The following MET variants were observed in gnomAD, a reference collection of about 807,000 sequenced individuals.
The protein encoded by MET is hepatocyte growth factor receptor.
MET carries 48 observed loss-of-function variants against 133.1 expected under a neutral mutation model. That is an observed-to-expected ratio of 0.36 (90% CI 0.29 to 0.46). The LOEUF is 0.46. MET is among the 20% of genes least tolerant of loss of function. The pLI is 1.00. For synonymous variants in MET, 628 were observed against 616.5 expected (o/e 1.02, Z -0.28); for missense variants, 1,442 against 1,695.9 (o/e 0.85, Z 2.63).
intron 2 of MET, among the ~76,000 whole-genome samples, chr7:116,731,188 GCCT>G (rs1290020505): frequency 6.6e-6 from 1 of 152,130 alleles, no homozygotes; most frequent in Admixed American, 6.5e-5. Flanking sequence ...GTGCTCTGTG[GCCT>G]CCCAGTGAGT....
chr7:116,700,338 G>A, intron 2 of MET, 54 bp downstream of exon 2: 4 of 1,562,032 alleles, frequency 2.6e-6, no homozygotes, highest in Middle Eastern at 1.7e-4. Context: ...TTAGAAATAA[G>A]TATCAGTCTC....
chr7:116,695,981 T>C (rs1171000027), intron 1 of MET, among the ~76,000 whole-genome samples: 3 of 152,070 alleles, frequency 2.0e-5, no homozygotes, highest in Non-Finnish European at 4.4e-5. Context: ...CAAGCAATTC[T>C]CCTGCCTCAG....
At chr7:116,758,168 G>A (rs1794261478) in intron 8 of MET, among the ~76,000 whole-genome samples, 1 of 152,174 alleles carries the variant, frequency 6.6e-6, no homozygotes, top group Admixed American at 6.5e-5. Context: ...CTGGAAGACA[G>A]TTATGTTTCT....
intron 19 of MET, among the ~76,000 whole-genome samples, chr7:116,786,368 G>T (rs1373087651): frequency 6.6e-6 from 1 of 152,176 alleles, no homozygotes; most frequent in African/African-American, 2.4e-5. Flanking sequence ...CATAGCAGGG[G>T]TCAAGGCTGG....
chr7:116,673,403 T>C (rs765057097), intron 1 of MET, among the ~76,000 whole-genome samples: 34 of 152,224 alleles, frequency 2.2e-4, no homozygotes, highest in Non-Finnish European at 4.4e-4. Context: ...GAATGAAATA[T>C]TGTCAACTCT....
Position 116,755,011 on chromosome 7 carries a change from A to AGAAAGAAAGAAC in MET, c.1702-333_1702-332insCGAAAGAAAGAA, listed in dbSNP as rs1562919896. On this transcript the variant is annotated intron_variant, in intron 5 of 20. Coordinates refer to ENST00000397752, the MANE Select transcript of MET (RefSeq NM_000245.4). Reference sequence around the variant, plus strand: ...AAGAAAGAAAGAAAGAAAGAAAGAAAGAAAGAAAGAAAGAAAGAAAGAAAG... The same window carrying AGAAAGAAAGAAC: ...AAGAAAGAAAGAAAGAAAGAAAGAAAGAAAGAAAGAACGAAAGAAAGAAAGAAAGAAAGAAAG... Among the ~76,000 whole-genome samples the AGAAAGAAAGAAC allele has an allele frequency of 1.3e-5, 2 of 150,768 alleles. 1 individual carries two copies. Among genetic ancestry groups the AGAAAGAAAGAAC allele is most frequent in the Non-Finnish European group, 3.0e-5 (2 of 67,710 alleles).
rs75218076 is a variant in MET at position 116,780,597 on chromosome 7, C to T, written c.3523-1391C>T. 9.3e-3 allele frequency among the ~76,000 whole-genome samples: 1,409 copies of T among 152,238 alleles called. 11 individuals carry two copies. Among genetic ancestry groups the T allele is most frequent in the Admixed American group, 0.014 (209 of 15,286 alleles). On this transcript the variant is annotated intron_variant, in intron 17 of 20. Transcript: ENST00000397752. ...GATAGAGATTTCCTGTTATCCAGAA[C>T]GGAATAGTGCCATGGCCTTTTTTAA...
intron 5 of MET, among the ~76,000 whole-genome samples, chr7:116,751,978 G>C (rs984568706): frequency 6.6e-6 from 1 of 151,988 alleles, no homozygotes; most frequent in Non-Finnish European, 1.5e-5. Context: ...GGAGAATGGC[G>C]TGAACCTGGG....
chr7:116,773,084 A>G (rs1332254769), intron 14 of MET, among the ~76,000 whole-genome samples: 1 of 152,184 alleles, frequency 6.6e-6, no homozygotes, highest in Non-Finnish European at 1.5e-5. Context: ...AAAAAAACTT[A>G]CCTAATCTTC....
chr7:116,780,655 C>T (rs1217292407), intron 17 of MET, among the ~76,000 whole-genome samples: 3 of 152,214 alleles, frequency 2.0e-5, no homozygotes, highest in Non-Finnish European at 4.4e-5. Context: ...CAACCACAAA[C>T]CCAGATGTGT....
At chr7:116,743,762 C>T (rs569773563) in intron 5 of MET, among the ~76,000 whole-genome samples, 4 of 152,266 alleles carry the variant, frequency 2.6e-5, no homozygotes, top group South Asian at 4.1e-4. Context: ...CAGCAGGGGT[C>T]GACAGACACC....
At chr7:116,752,660 A>C (rs1213379562) in intron 5 of MET, among the ~76,000 whole-genome samples, 3 of 152,272 alleles carry the variant, frequency 2.0e-5, no homozygotes, top group Non-Finnish European at 4.4e-5. Context: ...AGGGTCTAGC[A>C]GAGGGCTTAT....
chr7:116,782,470 GC>G (rs1795186534), intron 18 of MET, among the ~76,000 whole-genome samples: 1 of 152,170 alleles, frequency 6.6e-6, no homozygotes, highest in Non-Finnish European at 1.5e-5. Context: ...CCAACATATT[GC>G]AACTTCCCAA....
At chr7:116,708,228 T>G (rs983740463) in intron 2 of MET, among the ~76,000 whole-genome samples, 3 of 152,150 alleles carry the variant, frequency 2.0e-5, no homozygotes, top group Non-Finnish European at 4.4e-5. Flanking sequence ...AATATCTAAA[T>G]TTGGTAGTTG....
At chr7:116,779,923 GATA>G (rs939059793) in intron 17 of MET, among the ~76,000 whole-genome samples, 1 of 152,036 alleles carries the variant, frequency 6.6e-6, no homozygotes, top group Non-Finnish European at 1.5e-5. Context: ...CACTGTAGTA[GATA>G]ATAAACAAAT....
rs750337451 is a variant in MET, at chr7:116,795,698, C to A, written c.3842C>A (p.Ala1281Asp). ...VLLWELMTRG[A>D]PPYPDVNTFD... The stretch of plus-strand genomic sequence containing the variant: ...CTCTGGGAGCTGATGACAAGAGGAG[C>A]CCCACCTTATCCTGACGTAAACACC... The change falls in exon 20 of 21, where the codon GCC becomes GAC. Residue 1281 changes from alanine to aspartate, a missense_variant. Ala to Asp is a moderately radical substitution (Grantham distance 126, BLOSUM62 -2). Transcript: ENST00000397752. 1 of 1,614,052 alleles carries A rather than the reference C, an allele frequency of 6.2e-7. No homozygotes were observed. The highest frequency in any genetic ancestry group is 8.5e-7 in the Non-Finnish European group (1 of 1,180,012).
In MET at chr7:116,778,768, T is replaced by C. The variant is rs1323109627; in HGVS notation, c.3341-8T>C. On this transcript the variant is annotated splice_region_variant and splice_polypyrimidine_tract_variant and intron_variant, in intron 16 of 20. Coordinates refer to ENST00000397752, the MANE Select transcript of MET (RefSeq NM_000245.4). ...TGAAGTTAATGTCTCCACCACTGGA[T>C]TTCTCAGGAATCACTGACATAGGAG... 3.7e-6 allele frequency: 6 copies of C among 1,613,832 alleles called. No homozygotes were observed. Among genetic ancestry groups the C allele is most frequent in the Non-Finnish European group, 5.1e-6 (6 of 1,179,832 alleles).
intron 5 of MET, among the ~76,000 whole-genome samples, chr7:116,744,730 C>T (rs746450854): frequency 6.6e-6 from 1 of 152,166 alleles, no homozygotes; most frequent in African/African-American, 2.4e-5. Flanking sequence ...CACCAAGACA[C>T]ATAATAGTCA....
chr7:116,770,804 G>GTA (rs1488564485), intron 12 of MET, among the ~76,000 whole-genome samples: 12 of 152,178 alleles, frequency 7.9e-5, no homozygotes, highest in Admixed American at 5.9e-4. Context: ...ATATTCCATT[G>GTA]TATATATCCC....
Sources: gnomAD v4.1 joint callset for allele counts (sites outside exome capture counted in the v4.1 genomes callset) on GRCh38, gnomAD v4.1.1 for gene constraint, MANE v1.5 for transcripts, NCBI Gene and HGNC (gene_info 2026-07-23, HGNC 2026-07-21) for gene names.